Variants in REEP3 observed in about 807,000 individuals in gnomAD.
REEP3 encodes receptor expression-enhancing protein 3.
REEP3 carries 20 observed loss-of-function variants against 41.3 expected under a neutral mutation model. That is an observed-to-expected ratio of 0.48 (90% CI 0.34 to 0.70). The LOEUF is 0.70. Among genes scored for constraint, REEP3 ranks in the 30% least tolerant of loss-of-function variants. The pLI is 0.01. For missense variants in REEP3, 271 were observed against 308.8 expected (o/e 0.88, Z 0.92); for synonymous variants, 104 against 101.8 (o/e 1.02, Z -0.13).
intron 2 of REEP3, among the ~76,000 whole-genome samples, chr10:63,589,781 A>G (rs1206299884): frequency 8.8e-6 from 1 of 113,156 alleles, no homozygotes; most frequent in Non-Finnish European, 2.0e-5. Context: ...GAACAGCAGA[A>G]CATCTTTTTT....
chr10:63,623,020 T>C lies in REEP3; in HGVS notation c.*2151T>C, dbSNP rs1956367050. 6.6e-6 allele frequency: 1 copy of C among 152,220 alleles called. No homozygotes were observed. The highest frequency in any genetic ancestry group is 2.4e-5 in the African/African-American group (1 of 41,454). The allele number at this position is 152,220 out of a possible 1,614,324, so 9.4% of individuals were successfully genotyped here. On this transcript the variant is annotated 3_prime_UTR_variant, in exon 8 of 8. Transcript: ENST00000373758. ...GCACCCAGCCACCATTTTATCTCTCTAAAGTCTGGTCCCAGTATTAAACCT... is the reference window on the plus strand; with the variant it reads ...GCACCCAGCCACCATTTTATCTCTCCAAAGTCTGGTCCCAGTATTAAACCT...
At chr10:63,616,747 A>G (rs1250448258) in intron 6 of REEP3, among the ~76,000 whole-genome samples, 3 of 152,126 alleles carry the variant, frequency 2.0e-5, no homozygotes, top group Non-Finnish European at 4.4e-5. Flanking sequence ...TTGATTCCTC[A>G]TTCTGTTTTA....
chr10:63,533,111 G>T (rs768092396), intron 1 of REEP3, among the ~76,000 whole-genome samples: 1 of 152,204 alleles, frequency 6.6e-6, no homozygotes, highest in Admixed American at 6.5e-5. Context: ...TGAGTGCAGT[G>T]TGTATACCAT....
intron 5 of REEP3, among the ~76,000 whole-genome samples, chr10:63,605,773 G>C (rs149828170): frequency 0.011 from 1,721 of 152,234 alleles, 15 homozygotes; most frequent in Non-Finnish European, 0.02. Flanking sequence ...TAGACATTCA[G>C]ATGTCCTAGT....
chr10:63,568,492 C>T (rs1217933800), intron 2 of REEP3, among the ~76,000 whole-genome samples: 2 of 151,924 alleles, frequency 1.3e-5, no homozygotes, highest in Admixed American at 1.3e-4. Flanking sequence ...CGGTCTCGAT[C>T]TCCCAACCTC....
At chr10:63,573,884 T>C (rs1297866277) in intron 2 of REEP3, among the ~76,000 whole-genome samples, 11 of 152,230 alleles carry the variant, frequency 7.2e-5, no homozygotes, top group Admixed American at 5.9e-4. Flanking sequence ...GTTTAAAGAT[T>C]AGCCTACTGA....
At chr10:63,587,170 A>G (rs1956015744) in intron 2 of REEP3, among the ~76,000 whole-genome samples, 1 of 152,182 alleles carries the variant, frequency 6.6e-6, no homozygotes, top group African/African-American at 2.4e-5. Context: ...CAGACTTCAC[A>G]CTTGCCAAGG....
At chr10:63,525,260 C>T (rs1006469340) in intron 1 of REEP3, among the ~76,000 whole-genome samples, 9 of 152,132 alleles carry the variant, frequency 5.9e-5, no homozygotes, top group Non-Finnish European at 1.0e-4. Context: ...GATTATAGAC[C>T]TTGGTTCTAT....
At chr10:63,546,805 T>G (rs1955582306) in intron 1 of REEP3, among the ~76,000 whole-genome samples, 1 of 152,182 alleles carries the variant, frequency 6.6e-6, no homozygotes, top group Non-Finnish European at 1.5e-5. Flanking sequence ...TGGATATCCA[T>G]CACTTGCAGA....
intron 3 of REEP3, among the ~76,000 whole-genome samples, chr10:63,597,159 C>CG (rs1321813170): frequency 6.6e-6 from 1 of 152,120 alleles, no homozygotes. Flanking sequence ...ACTGGGCCAA[C>CG]GGGGGAGGCC....
Position 63,598,036 on chromosome 10 carries a change from C to T in REEP3, c.195C>T (p.Tyr65=), listed in dbSNP as rs948024375. The change falls in exon 4 of 8, where the codon TAC becomes TAT. Residue 65 remains tyrosine (Y), a synonymous_variant. Transcript: ENST00000373758. ...TTTTTCTTATTAGGTTTCCCCTGTACTATGAGCTGAAGATTGCTTTTGTCA... is the reference window on the plus strand; with the variant it reads ...TTTTTCTTATTAGGTTTCCCCTGTATTATGAGCTGAAGATTGCTTTTGTCA... ...ADQTVAWFPL[Y]YELKIAFVIW... is the part of the protein sequence containing the mutation. 1 of 1,611,062 alleles carries T rather than the reference C, an allele frequency of 6.2e-7. No homozygotes were observed. Among genetic ancestry groups the T allele is most frequent in the Non-Finnish European group, 8.5e-7 (1 of 1,178,012 alleles).
At chr10:63,584,713 C>G (rs985565296) in intron 2 of REEP3, among the ~76,000 whole-genome samples, 1 of 152,252 alleles carries the variant, frequency 6.6e-6, no homozygotes, top group Admixed American at 6.5e-5. Flanking sequence ...CAACTCTATA[C>G]TGTCTCTAAA....
chr10:63,525,785 GAA>G (rs780385099), intron 1 of REEP3, among the ~76,000 whole-genome samples: 31 of 152,248 alleles, frequency 2.0e-4, no homozygotes, highest in Middle Eastern at 3.4e-3. Flanking sequence ...CTCACCTTTT[GAA>G]ACATGACTCT....
intron 1 of REEP3, among the ~76,000 whole-genome samples, chr10:63,524,883 A>G (rs1955345375): frequency 6.6e-6 from 1 of 152,076 alleles, no homozygotes; most frequent in Non-Finnish European, 1.5e-5. Context: ...GTGATGGCGC[A>G]CACCTGTAGT....
chr10:63,576,211 C>T (rs958092262), intron 2 of REEP3, among the ~76,000 whole-genome samples: 7 of 152,142 alleles, frequency 4.6e-5, no homozygotes, highest in African/African-American at 1.7e-4. Context: ...GCTTATTGAA[C>T]GTGATCTTCA....
chr10:63,564,640 C>T (rs563474059), intron 1 of REEP3, among the ~76,000 whole-genome samples: 82 of 151,374 alleles, frequency 5.4e-4, no homozygotes, highest in African/African-American at 1.8e-3. Flanking sequence ...AAAAGAAATG[C>T]GCATTAAAAT....
intron 6 of REEP3, 95 bp downstream of exon 6, chr10:63,610,429 G>C: frequency 8.1e-7 from 1 of 1,231,534 alleles, no homozygotes; most frequent in Non-Finnish European, 1.1e-6. Flanking sequence ...GGCACAAGGA[G>C]AGGGAGAGCA....
intron 1 of REEP3, among the ~76,000 whole-genome samples, chr10:63,538,359 G>A (rs1955494793): frequency 6.6e-6 from 1 of 152,138 alleles, no homozygotes; most frequent in Non-Finnish European, 1.5e-5. Flanking sequence ...CCTATCAGTG[G>A]GAGATAACAT....
chr10:63,594,132 T>C (rs1956090553), intron 2 of REEP3, among the ~76,000 whole-genome samples: 1 of 151,194 alleles, frequency 6.6e-6, no homozygotes, highest in Non-Finnish European at 1.5e-5. Flanking sequence ...AATCCCAGCA[T>C]GTTGGGAGGC....
Sources: allele counts gnomAD v4.1 joint callset (sites outside exome capture counted in the v4.1 genomes callset), GRCh38; gene constraint gnomAD v4.1.1; transcripts MANE v1.5; gene names NCBI Gene and HGNC (gene_info 2026-07-23, HGNC 2026-07-21).